The following CDH18 variants were observed in gnomAD, a reference collection of about 807,000 sequenced individuals.
CDH18 encodes the protein cadherin-18.
In CDH18, 31 loss-of-function variants were observed where a neutral mutation model predicts 67.9. That is an observed-to-expected ratio of 0.46 (90% CI 0.34 to 0.62). The LOEUF (loss-of-function observed/expected upper bound fraction) is 0.62. Ranked by LOEUF, CDH18 falls within the 20% of genes least tolerant of loss-of-function variation. The pLI, the probability that CDH18 is intolerant of heterozygous loss-of-function variation, is 0.01. For missense variants in CDH18, 890 were observed against 975.5 expected (o/e 0.91, Z 1.17); for synonymous variants, 362 against 347.2 (o/e 1.04, Z -0.48).
intron 3 of CDH18, among the ~76,000 whole-genome samples, chr5:19,761,495 T>C (rs1327577524): frequency 1.3e-5 from 2 of 152,160 alleles, no homozygotes; most frequent in African/African-American, 4.8e-5. Flanking sequence ...GTGTTCTCCA[T>C]ACTATTAGAA....
intron 1 of CDH18, among the ~76,000 whole-genome samples, chr5:20,504,208 C>T (rs1176525875): frequency 6.6e-6 from 1 of 151,844 alleles, no homozygotes; most frequent in East Asian, 1.9e-4. Context: ...AGGATTAGGT[C>T]ATCCAGCCAC....
At position 19,856,800 on chromosome 5, in the gene CDH18, G is replaced by A. The variant is rs150498275; in HGVS notation, c.-256-17558C>T. ...TTGGACTTCCAGCTTCAAGCACTGC[G>A]AGAAAATAAATTTCTGTTGTTTCGG... On this transcript the variant is annotated intron_variant, in intron 2 of 12. Transcript: ENST00000382275. Among the ~76,000 whole-genome samples, 165 of 152,188 alleles carry A rather than the reference G, an allele frequency of 1.1e-3. 3 individuals are homozygous for A. The East Asian group carries it at 0.019, about 17-fold the overall frequency.
chr5:20,150,279 G>A (rs1421025723), intron 2 of CDH18, among the ~76,000 whole-genome samples: 1 of 151,914 alleles, frequency 6.6e-6, no homozygotes, highest in African/African-American at 2.4e-5. Flanking sequence ...TGCATCATGG[G>A]AAACAACAGT....
chr5:20,446,309 G>GC (rs1460318413), intron 1 of CDH18, among the ~76,000 whole-genome samples: 5 of 152,054 alleles, frequency 3.3e-5, no homozygotes, highest in African/African-American at 1.2e-4. Context: ...ACCTAGGTGG[G>GC]CCAGGGGCTG....
At chr5:20,051,640 A>G (rs1019522370) in intron 2 of CDH18, among the ~76,000 whole-genome samples, 1 of 152,032 alleles carries the variant, frequency 6.6e-6, no homozygotes, top group Non-Finnish European at 1.5e-5. Flanking sequence ...CTAGTCACCA[A>G]AAGAAGATAT....
chr5:19,714,317 CAG>C (rs1765082212), intron 5 of CDH18, among the ~76,000 whole-genome samples: 6 of 152,176 alleles, frequency 3.9e-5, no homozygotes, highest in African/African-American at 1.4e-4. Flanking sequence ...TGAGTAAAAT[CAG>C]AGTTATGATA....
chr5:19,919,054 G>A (rs1227709207), intron 2 of CDH18, among the ~76,000 whole-genome samples: 1 of 152,020 alleles, frequency 6.6e-6, no homozygotes, highest in African/African-American at 2.4e-5. Flanking sequence ...CTAATGGCTA[G>A]TGATTTAATC....
chr5:19,777,292 A>G (rs984351156), intron 3 of CDH18, among the ~76,000 whole-genome samples: 11 of 152,194 alleles, frequency 7.2e-5, no homozygotes, highest in African/African-American at 2.4e-4. Flanking sequence ...AAAATAAAAG[A>G]AAAAAGAAAA....
At chr5:20,421,199 A>C (rs1747832559) in intron 1 of CDH18, among the ~76,000 whole-genome samples, 1 of 151,152 alleles carries the variant, frequency 6.6e-6, no homozygotes, top group Non-Finnish European at 1.5e-5. Context: ...CACCATCAGC[A>C]TATTCAGGAG....
chr5:19,738,981 T>C (rs926100260), intron 4 of CDH18, among the ~76,000 whole-genome samples: 3 of 152,132 alleles, frequency 2.0e-5, no homozygotes, highest in Non-Finnish European at 4.4e-5. Flanking sequence ...ACATCAATCA[T>C]TGAATAAAAG....
intron 1 of CDH18, among the ~76,000 whole-genome samples, chr5:20,493,724 T>A (rs1185183763): frequency 6.6e-6 from 1 of 152,120 alleles, no homozygotes; most frequent in East Asian, 1.9e-4. Context: ...GAAATGGGGA[T>A]CAGGCAGTCA....
chr5:20,458,505 C>T (rs1228353938), intron 1 of CDH18, among the ~76,000 whole-genome samples: 1 of 152,046 alleles, frequency 6.6e-6, no homozygotes, highest in Non-Finnish European at 1.5e-5. Context: ...GTAGACCTAG[C>T]TACTCAGGAT....
At chr5:20,425,284 T>C (rs1748207781) in intron 1 of CDH18, among the ~76,000 whole-genome samples, 1 of 150,524 alleles carries the variant, frequency 6.6e-6, no homozygotes. Flanking sequence ...GGCAGGAGAA[T>C]TGCTTCAACA....
intron 1 of CDH18, among the ~76,000 whole-genome samples, chr5:20,342,157 G>A (rs759055156): frequency 1.3e-5 from 2 of 152,134 alleles, no homozygotes; most frequent in Non-Finnish European, 2.9e-5. Flanking sequence ...TCCATGCACA[G>A]CCTCACCCGG....
rs539131973 is a variant in CDH18 at position 20,156,692 on chromosome 5, C to T, written c.-518+98752G>A. The stretch of plus-strand genomic sequence containing the variant: ...TAAACACTATATCCATGTGACACTA[C>T]TGCACTTGTTTCCCCTAAATCTATC... On this transcript the variant is annotated intron_variant, in intron 2 of 14. Coordinates refer to the CDH18 transcript ENST00000507958. 3.3e-5 allele frequency among the ~76,000 whole-genome samples: 5 copies of T among 152,296 alleles called. No individual in the cohort carries two copies. In the East Asian group the frequency reaches 9.7e-4, roughly 29 times the overall value.
intron 6 of CDH18, among the ~76,000 whole-genome samples, chr5:19,601,163 G>A: frequency 6.6e-6 from 1 of 152,228 alleles, no homozygotes; most frequent in Non-Finnish European, 1.5e-5. Context: ...TGGTCTGCAG[G>A]AGGTTACAAG....
In CDH18 at chr5:20,206,287, G is replaced by A. The variant is rs189832367; in HGVS notation, c.-518+49157C>T. On this transcript the variant is annotated intron_variant, in intron 2 of 14. Coordinates refer to the CDH18 transcript ENST00000507958. The stretch of plus-strand genomic sequence containing the variant: ...ATATAACCTACCAAGAATGAGCCAT[G>A]AAGAAACAGAAAACCTTAACAAAGC... 1.8e-4 allele frequency among the ~76,000 whole-genome samples: 28 copies of A among 151,956 alleles called. No homozygotes were observed. The East Asian group carries it at 5.2e-3, about 28-fold the overall frequency.
chr5:19,814,869 CACACACAT>C (rs1347194227), intron 3 of CDH18, among the ~76,000 whole-genome samples: 5 of 129,428 alleles, frequency 3.9e-5, no homozygotes, highest in Non-Finnish European at 9.0e-5. Context: ...CACACACACA[CACACACAT>C]GGACACACAC....
intron 1 of CDH18, among the ~76,000 whole-genome samples, chr5:20,406,735 T>C (rs1037679229): frequency 2.0e-5 from 3 of 152,186 alleles, no homozygotes; most frequent in Non-Finnish European, 2.9e-5. Flanking sequence ...GAGGATTCTT[T>C]GGTGCAGAAG....
Sources: allele counts gnomAD v4.1 joint callset (sites outside exome capture counted in the v4.1 genomes callset), GRCh38; gene constraint gnomAD v4.1.1; transcripts MANE v1.5; gene names NCBI Gene and HGNC (gene_info 2026-07-23, HGNC 2026-07-21).